Variants in SYNE1 observed in about 807,000 individuals in gnomAD.
SYNE1 encodes spectrin repeat containing nuclear envelope protein 1.
In SYNE1, 616 loss-of-function variants were observed where a neutral mutation model predicts 1,111.0. The ratio of observed to expected loss-of-function variants is 0.55; its 90% CI spans 0.52 to 0.59. The LOEUF (loss-of-function observed/expected upper bound fraction) is 0.59, where lower values mean the gene tolerates loss of function less well. Ranked by LOEUF, SYNE1 falls within the 20% of genes least tolerant of loss-of-function variation. The pLI is 0.00. For missense variants in SYNE1, 10,006 were observed against 10,417.0 expected, an observed-to-expected ratio of 0.96 and a Z score of 1.72; for synonymous variants, 3,855 against 3,825.8, an observed-to-expected ratio of 1.01 and a Z score of -0.28.
chr6:152,263,243 G>A (rs2092287069), intron 100 of SYNE1, among the ~76,000 whole-genome samples: 1 of 152,016 alleles, frequency 6.6e-6, no homozygotes, highest in South Asian at 2.1e-4. Context: ...GCCTGGGAAG[G>A]TAGTACAGGA....
chr6:152,605,011 AGAGAGAGAG>A (rs2099609248), intron 3 of SYNE1, among the ~76,000 whole-genome samples: 3 of 42,982 alleles, frequency 7.0e-5, no homozygotes, highest in African/African-American at 3.8e-4. Context: ...AAAGAAAGAG[AGAGAGAGAG>A]AGAGAGAGAG....
At chr6:152,385,909 C>T in intron 54 of SYNE1, 71 bp from the exon 55 acceptor site, 4 of 1,459,232 alleles carry the variant, frequency 2.7e-6, no homozygotes, top group South Asian at 1.1e-5. Context: ...AGACAACAGG[C>T]CTGATAGAGG....
At chr6:152,595,935 A>G (rs1411382707) in intron 3 of SYNE1, among the ~76,000 whole-genome samples, 3 of 151,846 alleles carry the variant, frequency 2.0e-5, no homozygotes, top group Non-Finnish European at 4.4e-5. Context: ...TTGTCCTTAC[A>G]TCTGCTTGTA....
At chr6:152,128,959 A>C (rs978380020) in intron 145 of SYNE1, 1 of 152,260 alleles carries the variant, frequency 6.6e-6, no homozygotes, top group African/African-American at 2.4e-5. Flanking sequence ...TTTGCCATTC[A>C]GGTGAAGATT....
intron 53 of SYNE1, among the ~76,000 whole-genome samples, chr6:152,389,614 C>T (rs2097577359): frequency 6.6e-6 from 1 of 152,154 alleles, no homozygotes; most frequent in South Asian, 2.1e-4. Context: ...ATAATTACAA[C>T]AAAAACACTA....
chr6:152,338,499 A>G (rs540381233), intron 75 of SYNE1, among the ~76,000 whole-genome samples: 2 of 151,780 alleles, frequency 1.3e-5, no homozygotes, highest in Non-Finnish European at 2.9e-5. Context: ...GTGTGTGCCT[A>G]TAGTCCCAGC....
intron 3 of SYNE1, among the ~76,000 whole-genome samples, chr6:152,563,672 G>A (rs1003791431): frequency 4.6e-5 from 7 of 152,118 alleles, no homozygotes; most frequent in South Asian, 2.1e-4. Flanking sequence ...GAAAAAAATC[G>A]TCCAACTTAC....
Position 152,359,338 on chromosome 6 carries a change from T to G in SYNE1, c.10420A>C (p.Arg3474=). ...LELQDLQERY[R]AIQERAKEAV... ...ACCTTGGCCCTCTCTTGGATGGCTC[T>G]GTATCGTTCCTGTAGATCCTGGAGT... Residue 3474 remains arginine (R), a synonymous_variant, in exon 65 of 146, where the codon AGA becomes CGA. Coordinates refer to ENST00000367255, the MANE Select transcript of SYNE1 (RefSeq NM_182961.4). The G allele has an allele frequency of 6.2e-7, 1 of 1,614,168 alleles. No homozygotes were observed. Among genetic ancestry groups the G allele is most frequent in the Non-Finnish European group, 8.5e-7 (1 of 1,180,006 alleles).
Position 152,530,496 on chromosome 6 carries a change from A to C in SYNE1, c.130-4321T>G, listed in dbSNP as rs74424960. ...TTTTTTTTTTTTTTTTTACTAAAAC[A>C]GTCCCCCTTTATGTGCAGTTTCAAT... On this transcript the variant is annotated intron_variant, in intron 4 of 145. Transcript: ENST00000367255. Among the ~76,000 whole-genome samples, 1,004 of 149,598 alleles carry C rather than the reference A, an allele frequency of 6.7e-3. 16 individuals are homozygous for C. The highest frequency in any genetic ancestry group is 0.024 in the African/African-American group (963 of 40,624).
At chr6:152,625,683 A>T (rs1355460436) in intron 3 of SYNE1, among the ~76,000 whole-genome samples, 1 of 152,216 alleles carries the variant, frequency 6.6e-6, no homozygotes, top group Non-Finnish European at 1.5e-5. Flanking sequence ...AAGTATAGTT[A>T]CTTTATTGTG....
intron 3 of SYNE1, among the ~76,000 whole-genome samples, chr6:152,615,938 A>T (rs1367200285): frequency 1.3e-5 from 2 of 152,232 alleles, no homozygotes; most frequent in Non-Finnish European, 2.9e-5. Flanking sequence ...TTTGTATGCC[A>T]TGTATCACAT....
intron 21 of SYNE1, among the ~76,000 whole-genome samples, chr6:152,459,795 A>T (rs1037615690): frequency 6.6e-6 from 1 of 152,212 alleles, no homozygotes; most frequent in Non-Finnish European, 1.5e-5. Flanking sequence ...GTATAAAGAC[A>T]ATAATGTTCT....
intron 107 of SYNE1, 34 bp downstream of exon 107, chr6:152,242,206 C>T (rs2085886218): frequency 1.2e-5 from 19 of 1,569,538 alleles, no homozygotes; most frequent in Non-Finnish European, 1.6e-5. Flanking sequence ...TTTCCAATTA[C>T]ATTTTCTCTC....
chr6:152,378,151 C>T (rs952865875), intron 56 of SYNE1, among the ~76,000 whole-genome samples: 7 of 152,138 alleles, frequency 4.6e-5, no homozygotes, highest in African/African-American at 1.4e-4. Flanking sequence ...TTCATAAAAT[C>T]AGAAGGAGAA....
chr6:152,385,039 A>G (rs2097503097), intron 55 of SYNE1, among the ~76,000 whole-genome samples: 1 of 152,158 alleles, frequency 6.6e-6, no homozygotes, highest in Non-Finnish European at 1.5e-5. Flanking sequence ...TCCTCCTCTA[A>G]AACTAAACCA....
rs191886400 is a variant in SYNE1 at position 152,325,843 on chromosome 6, C to T, written c.15438+115G>A. The T allele has an allele frequency of 4.9e-3, 5,987 of 1,215,370 alleles. 25 individuals are homozygous for T. The highest frequency in any genetic ancestry group is 6.1e-3 in the Non-Finnish European group (5,425 of 882,658). The allele number at this position is 1,215,370 out of a possible 1,614,324, so 75.3% of individuals were successfully genotyped here. A position where few individuals can be genotyped will look rare whatever the true frequency, so the allele number is the denominator to read the frequency against. On this transcript the variant is annotated intron_variant, in intron 80 of 145. Coordinates refer to ENST00000367255, the MANE Select transcript of SYNE1 (RefSeq NM_182961.4). ...AACTTCTATAAAATGTTGTTAAATG[C>T]ATCCTTATCACATTGAAAAAAGTCC...
At chr6:152,326,239 C>T (rs2096064725) in intron 79 of SYNE1, 57 bp downstream of exon 79, 1 of 1,612,282 alleles carries the variant, frequency 6.2e-7, no homozygotes, top group Admixed American at 1.7e-5. Context: ...TGTATTACTA[C>T]TTTCAGTGTG....
chr6:152,228,523 G>GA (rs979997575), intron 115 of SYNE1, among the ~76,000 whole-genome samples: 2 of 151,410 alleles, frequency 1.3e-5, no homozygotes, highest in Admixed American at 6.6e-5. Flanking sequence ...TTAAAGAGAA[G>GA]AAAAAAATAC....
chr6:152,206,025 C>T (rs1417275594), intron 126 of SYNE1, 143 bp downstream of exon 126: 52 of 967,086 alleles, frequency 5.4e-5, no homozygotes, highest in Non-Finnish European at 6.6e-5. Flanking sequence ...AAGACAAAGT[C>T]TTAAATAAAA....
Sources: gnomAD v4.1 joint callset for allele counts (sites outside exome capture counted in the v4.1 genomes callset) on GRCh38, gnomAD v4.1.1 for gene constraint, MANE v1.5 for transcripts, NCBI Gene and HGNC (gene_info 2026-07-23, HGNC 2026-07-21) for gene names.